The following GSE1 variants were observed in gnomAD, a reference collection of about 807,000 sequenced individuals.
The protein encoded by GSE1 is genetic suppressor element 1.
Under a neutral mutation model 112.6 loss-of-function variants are expected in GSE1, and 32 were observed. That is an observed-to-expected ratio of 0.28 (90% confidence interval 0.21 to 0.38). The LOEUF (loss-of-function observed/expected upper bound fraction) is 0.38, where lower values mean the gene tolerates loss of function less well. Among genes scored for constraint, GSE1 ranks in the 10% least tolerant of loss-of-function variants. GSE1 has a pLI of 1.00. For synonymous variants in GSE1, 1,115 were observed against 735.6 expected, an observed-to-expected ratio of 1.52 and a Z score of -8.35; for missense variants, 2,348 against 1,699.2, an observed-to-expected ratio of 1.38 and a Z score of -6.71.
intron 2 of GSE1, among the ~76,000 whole-genome samples, chr16:85,380,819 A>G (rs184185980): frequency 1.3e-3 from 198 of 152,312 alleles, no homozygotes; most frequent in Non-Finnish European, 2.0e-3. Context: ...CGCCCTGCCA[A>G]GCTGGGAGAC....
intron 2 of GSE1, among the ~76,000 whole-genome samples, chr16:85,381,446 T>C (rs1014698388): frequency 6.6e-6 from 1 of 152,172 alleles, no homozygotes; most frequent in African/African-American, 2.4e-5. Context: ...TGAACACCTG[T>C]TTTCCCTTCT....
intron 1 of GSE1, among the ~76,000 whole-genome samples, chr16:85,263,201 A>G (rs1004641121): frequency 1.3e-5 from 2 of 152,108 alleles, no homozygotes; most frequent in Non-Finnish European, 2.9e-5. Context: ...GGCCTCCCTG[A>G]GATCATCATC....
chr16:85,575,956 T>G (rs1356761929), intron 1 of GSE1, among the ~76,000 whole-genome samples: 1 of 151,886 alleles, frequency 6.6e-6, no homozygotes, highest in East Asian at 1.9e-4. Flanking sequence ...CAGCTGTCTT[T>G]GGGAGCATTT....
rs117719476 is a variant in GSE1 at position 85,589,980 on chromosome 16, A to G, written c.37+33617A>G. Among the ~76,000 whole-genome samples the G allele has an allele frequency of 3.3e-5, 5 of 152,024 alleles. No individual in the cohort carries two copies. In the East Asian group the frequency reaches 9.7e-4, roughly 29 times the overall value. ...GTGAGAGTGATCGTGTGGTGTGTGA[A>G]TGCATGTGTGAATGTGAGACTGTGT... On this transcript the variant is annotated intron_variant, in intron 1 of 2. Coordinates refer to the GSE1 transcript ENST00000635906.
At chr16:85,621,176 G>A (rs1182023704) in intron 1 of GSE1, among the ~76,000 whole-genome samples, 2 of 151,922 alleles carry the variant, frequency 1.3e-5, no homozygotes, top group African/African-American at 4.8e-5. Flanking sequence ...CTGGATCTCT[G>A]CACTGTTGGG....
chr16:85,435,900 G>T lies in GSE1; in HGVS notation c.2464+78257G>T, dbSNP rs28439756. Among the ~76,000 whole-genome samples, 930 of 152,182 alleles carry T rather than the reference G, an allele frequency of 6.1e-3. 9 individuals carry two copies. Among genetic ancestry groups the T allele is most frequent in the African/African-American group, 0.021 (891 of 41,512 alleles). On this transcript the variant is annotated intron_variant, in intron 2 of 2. Transcript: ENST00000637419. Reference sequence around the variant, plus strand: ...CCAGGCAGGAAGCTGAGGCCACAGGGGACTTGTGTGTGCCTAAGTCCTTGG... The same window carrying T: ...CCAGGCAGGAAGCTGAGGCCACAGGTGACTTGTGTGTGCCTAAGTCCTTGG...
intron 2 of GSE1, among the ~76,000 whole-genome samples, chr16:85,483,002 A>G (rs1374708705): frequency 6.6e-6 from 1 of 151,978 alleles, no homozygotes; most frequent in Non-Finnish European, 1.5e-5. Context: ...AAAAAATACC[A>G]AACTCTCTGT....
At chr16:85,504,995 A>AGCATCACATGTGTGT in intron 2 of GSE1, among the ~76,000 whole-genome samples, 1 of 147,066 alleles carries the variant, frequency 6.8e-6, no homozygotes, top group East Asian at 2.0e-4. Context: ...TCTCCTCGTC[A>AGCATCACATGTGTGT]GCATCACATG....
intron 8 of GSE1, 125 bp downstream of exon 8, chr16:85,657,729 G>C (rs553486585): frequency 9.4e-6 from 6 of 639,318 alleles, no homozygotes; most frequent in African/African-American, 5.6e-5. Context: ...TTTCATTTCT[G>C]TTCTTTCATC....
chr16:85,581,608 C>G (rs2046451877), intron 1 of GSE1, among the ~76,000 whole-genome samples: 3 of 152,176 alleles, frequency 2.0e-5, no homozygotes, highest in African/African-American at 7.2e-5. Context: ...CAGCATGCGT[C>G]TCTGTGCATG....
At chr16:85,256,842 T>G (rs1343402401) in intron 1 of GSE1, among the ~76,000 whole-genome samples, 1 of 152,270 alleles carries the variant, frequency 6.6e-6, no homozygotes, top group Non-Finnish European at 1.5e-5. Flanking sequence ...CGTGGCCACT[T>G]ATATTTCAAT....
At chr16:85,633,719 C>T (rs567539174) in intron 1 of GSE1, among the ~76,000 whole-genome samples, 195 bp from the exon 2 acceptor site, 1 of 152,200 alleles carries the variant, frequency 6.6e-6, no homozygotes, top group Non-Finnish European at 1.5e-5. Flanking sequence ...GTGCCGGGTT[C>T]CAGCTGGACT....
chr16:85,665,377 A>T (rs1329753604), intron 12 of GSE1, among the ~76,000 whole-genome samples: 1 of 152,204 alleles, frequency 6.6e-6, no homozygotes, highest in Non-Finnish European at 1.5e-5. Flanking sequence ...GCTGGTCACT[A>T]TGGTCGTAGT....
intron 1 of GSE1, among the ~76,000 whole-genome samples, chr16:85,231,014 T>G (rs1441326372): frequency 6.7e-6 from 1 of 148,648 alleles, no homozygotes; most frequent in African/African-American, 2.5e-5. Context: ...GATGGACAGA[T>G]GGATGATGGA....
rs542270217 is a variant in GSE1 at position 85,298,905 on chromosome 16, G to A, written c.2284-58558G>A. On this transcript the variant is annotated intron_variant, in intron 1 of 2. Coordinates refer to the GSE1 transcript ENST00000637419. ...TATGGGTGTTTATGTCTGTGCTGGT[G>A]GACGGGCTTTCTCCTTGGTTGGCAA... is the stretch of plus-strand genomic sequence containing the variant. Among the ~76,000 whole-genome samples, 154 of 152,320 alleles carry A rather than the reference G, an allele frequency of 1.0e-3. 3 individuals are homozygous for A. The highest frequency in any genetic ancestry group is 9.1e-3 in the South Asian group (44 of 4,828).
chr16:85,482,771 A>C (rs2050720011), intron 2 of GSE1, among the ~76,000 whole-genome samples: 1 of 152,190 alleles, frequency 6.6e-6, no homozygotes, highest in African/African-American at 2.4e-5. Flanking sequence ...TGAGGTCAGG[A>C]GTTCGAGACC....
chr16:85,558,557 G>A (rs1264169321), intron 1 of GSE1, among the ~76,000 whole-genome samples: 2 of 152,202 alleles, frequency 1.3e-5, no homozygotes, highest in African/African-American at 2.4e-5. Context: ...CCAGGCTGGA[G>A]TAAAGCCCCC....
intron 2 of GSE1, among the ~76,000 whole-genome samples, chr16:85,481,528 C>T (rs1163438414): frequency 6.6e-6 from 1 of 152,156 alleles, no homozygotes; most frequent in Non-Finnish European, 1.5e-5. Context: ...CTCTTCCTTC[C>T]AGGTGGGGAG....
chr16:85,633,243 G>A (rs1158494831), intron 1 of GSE1, among the ~76,000 whole-genome samples: 1 of 152,180 alleles, frequency 6.6e-6, no homozygotes, highest in African/African-American at 2.4e-5. Context: ...CTGTCAGCCT[G>A]CCTGTGTGGC....
Sources: gnomAD v4.1 joint callset for allele counts (sites outside exome capture counted in the v4.1 genomes callset) on GRCh38, gnomAD v4.1.1 for gene constraint, MANE v1.5 for transcripts, NCBI Gene and HGNC (gene_info 2026-07-23, HGNC 2026-07-21) for gene names.